The following DNAI3 variants were observed in gnomAD, a reference collection of about 807,000 sequenced individuals.
DNAI3 encodes WD repeat domain 63.
DNAI3 carries 83 observed loss-of-function variants against 115.5 expected under a neutral mutation model. That is an observed-to-expected ratio of 0.72 (90% CI 0.60 to 0.86). The LOEUF (loss-of-function observed/expected upper bound fraction) is 0.86, where lower values mean the gene tolerates loss of function less well. DNAI3 is among the 40% of genes least tolerant of loss of function. DNAI3 has a pLI of 0.00. For missense variants in DNAI3, 1,004 were observed against 1,075.8 expected, an observed-to-expected ratio of 0.93 and a Z score of 0.93; for synonymous variants, 320 against 347.0, an observed-to-expected ratio of 0.92 and a Z score of 0.86.
At chr1:85,074,937 T>G (rs1654405822) in intron 3 of DNAI3, among the ~76,000 whole-genome samples, 1 of 152,240 alleles carries the variant, frequency 6.6e-6, no homozygotes, top group Non-Finnish European at 1.5e-5. Context: ...ATGAGTTGTG[T>G]TCCCTCTTGC....
Position 85,108,143 on chromosome 1 carries a change from T to A in DNAI3, c.1664T>A (p.Leu555Ter), listed in dbSNP as rs371365942. The change falls in exon 15 of 23, where the codon TTG (leucine) becomes TAG (stop). Residue 555 changes from leucine to a stop codon, truncating the protein, a stop_gained. Transcript: ENST00000294664. LOFTEE classifies it high-confidence loss of function. ...CCTTTTGATGTACCATCTACTTTTT[T>A]GCATCTGGATCTCTCCTGGAAACCT... ...EIPFDVPSTF[L>*]HLDLSWKPLT... The A allele has an allele frequency of 1.4e-5, 23 of 1,604,986 alleles. No homozygotes were observed. In the African/African-American group the frequency reaches 3.0e-4, roughly 21 times the overall value.
intron 16 of DNAI3, among the ~76,000 whole-genome samples, chr1:85,111,441 A>G (rs1225157003): frequency 6.6e-6 from 1 of 152,160 alleles, no homozygotes; most frequent in Non-Finnish European, 1.5e-5. Context: ...TGGTTCAGGT[A>G]CGGTGCTACT....
intron 18 of DNAI3, among the ~76,000 whole-genome samples, chr1:85,123,591 T>C (rs1354577853): frequency 6.6e-6 from 1 of 152,216 alleles, no homozygotes; most frequent in African/African-American, 2.4e-5. Flanking sequence ...ACATGATGCA[T>C]CTCCACAGAA....
intron 3 of DNAI3, among the ~76,000 whole-genome samples, chr1:85,074,813 T>G (rs144394120): frequency 1.3e-5 from 2 of 152,228 alleles, no homozygotes; most frequent in East Asian, 3.8e-4. Flanking sequence ...TTTATGTGTA[T>G]TTCTGTTTAA....
intron 15 of DNAI3, among the ~76,000 whole-genome samples, chr1:85,109,534 T>C (rs910871862): frequency 1.3e-5 from 2 of 152,228 alleles, no homozygotes; most frequent in African/African-American, 2.4e-5. Context: ...CTGAGGGAGC[T>C]GTGAGGGAAA....
rs1481953733 is a variant in DNAI3 at position 85,094,563 on chromosome 1, G to A, written c.1173+8G>A. On this transcript the variant is annotated splice_region_variant and intron_variant, in intron 10 of 22. Transcript: ENST00000294664. Reference sequence around the variant, plus strand: ...GATCCTATACATCCTCAGGTAATTAGGGAGAGTTGCCTACATAGCCTAAAT... The same window carrying A: ...GATCCTATACATCCTCAGGTAATTAAGGAGAGTTGCCTACATAGCCTAAAT... 8.1e-6 allele frequency: 13 copies of A among 1,613,298 alleles called. No homozygotes were observed. Among genetic ancestry groups the A allele is most frequent in the Non-Finnish European group, 8.5e-6 (10 of 1,179,788 alleles).
In DNAI3 at chr1:85,132,855, A is replaced by G. The variant is rs763996340; in HGVS notation, c.2533A>G (p.Lys845Glu). 5 of 1,612,888 alleles carry G rather than the reference A, an allele frequency of 3.1e-6. No individual in the cohort carries two copies. The highest frequency in any genetic ancestry group is 4.2e-6 in the Non-Finnish European group (5 of 1,179,632). ...MELEMAKKKV[K>E]TYQKSKEQMQ... ...TGTCTTGTTTTTCTTCCCCCCCCAGAAAACATATCAGAAGTCAAAAGAACA... is the reference window on the plus strand; with the variant it reads ...TGTCTTGTTTTTCTTCCCCCCCCAGGAAACATATCAGAAGTCAAAAGAACA... Residue 845 changes from lysine to glutamate, a missense_variant and splice_region_variant, in exon 23 of 23, where the codon AAA becomes GAA. By Grantham distance (56) the Lys-to-Glu change is moderately conservative. Around this residue, in one of 3 missense-constraint regions of DNAI3, gnomAD observed 429 missense variants for 454.3 expected, o/e 0.94. Transcript: ENST00000294664.
intron 22 of DNAI3, among the ~76,000 whole-genome samples, chr1:85,131,753 C>T (rs553892973): frequency 1.5e-3 from 234 of 152,200 alleles, no homozygotes; most frequent in African/African-American, 5.4e-3. Flanking sequence ...CAATTATCCA[C>T]GATTATTATG....
intron 5 of DNAI3, among the ~76,000 whole-genome samples, chr1:85,084,257 T>C (rs1654723215): frequency 3.0e-5 from 2 of 65,986 alleles, no homozygotes; most frequent in African/African-American, 9.7e-5. Flanking sequence ...TGTGTATATA[T>C]ATATATATAT....
chr1:85,093,962 A>G (rs960501802), intron 9 of DNAI3: 7 of 517,412 alleles, frequency 1.4e-5, no homozygotes, highest in African/African-American at 1.3e-4. Context: ...TTGCTCTCCC[A>G]AGGCTAAATT....
intron 7 of DNAI3, among the ~76,000 whole-genome samples, chr1:85,089,623 T>C (rs1030766063): frequency 2.0e-5 from 3 of 151,812 alleles, no homozygotes; most frequent in African/African-American, 4.8e-5. Flanking sequence ...TTGTGCTTTG[T>C]AGGGTTTTTA....
intron 22 of DNAI3, among the ~76,000 whole-genome samples, chr1:85,130,667 T>TGATAGATAGATAGATA (rs71736981): frequency 2.0e-5 from 3 of 148,364 alleles, no homozygotes; most frequent in East Asian, 2.0e-4. Context: ...ATTAGATAGA[T>TGATAGATAGATAGATA]GATAGATAGA....
intron 1 of DNAI3, among the ~76,000 whole-genome samples, chr1:85,068,944 T>C (rs1654181397): frequency 6.6e-6 from 1 of 152,216 alleles, no homozygotes; most frequent in African/African-American, 2.4e-5. Context: ...GAAAGTGGTA[T>C]GTGTGAAATA....
rs113747684 is a variant in DNAI3 at position 85,065,837 on chromosome 1, C to A, written c.-15+3351C>A. Reference sequence around the variant, plus strand: ...ATTTAATTTATGTTACTTATGCCTTCATCTATAGTAGTTCACCTCCTGAAT... The same window carrying A: ...ATTTAATTTATGTTACTTATGCCTTAATCTATAGTAGTTCACCTCCTGAAT... On this transcript the variant is annotated intron_variant, in intron 1 of 22. Coordinates refer to ENST00000294664, the MANE Select transcript of DNAI3 (RefSeq NM_145172.5). 4.3e-3 allele frequency among the ~76,000 whole-genome samples: 648 copies of A among 152,296 alleles called. 7 individuals carry two copies. The highest frequency in any genetic ancestry group is 0.014 in the African/African-American group (586 of 41,554).
chr1:85,117,723 TGAA>T lies in DNAI3; in HGVS notation c.1787-5_1787-3del. On this transcript the variant is annotated splice_polypyrimidine_tract_variant and splice_region_variant and intron_variant, in intron 16 of 22. Coordinates refer to ENST00000294664, the MANE Select transcript of DNAI3 (RefSeq NM_145172.5). The stretch of plus-strand genomic sequence containing the variant: ...TGTACTTCTTCTACCCACACTCCTC[TGAA>T]AGACAAAATGTTAGCACAGAGCAAA... 1.2e-6 allele frequency: 2 copies of T among 1,612,866 alleles called. No individual in the cohort carries two copies. The highest frequency in any genetic ancestry group is 1.7e-6 in the Non-Finnish European group (2 of 1,179,110).
chr1:85,122,753 TATG>T (rs1656027773), intron 18 of DNAI3, among the ~76,000 whole-genome samples: 3 of 152,148 alleles, frequency 2.0e-5, no homozygotes, highest in African/African-American at 7.2e-5. Flanking sequence ...TAGCAATTAA[TATG>T]ATAAAATTCA....
chr1:85,113,888 G>C (rs961774900), intron 16 of DNAI3, among the ~76,000 whole-genome samples: 9 of 151,900 alleles, frequency 5.9e-5, no homozygotes, highest in Admixed American at 2.6e-4. Flanking sequence ...ACAGTGTACA[G>C]GTCTTTCACC....
chr1:85,125,063 G>A (rs1173972405), intron 19 of DNAI3, among the ~76,000 whole-genome samples: 5 of 152,080 alleles, frequency 3.3e-5, no homozygotes, highest in Admixed American at 6.6e-5. Flanking sequence ...GATTAGGAGA[G>A]GGGCTGGATC....
At chr1:85,129,873 A>C (rs954465718) in intron 21 of DNAI3, 117 bp from the exon 22 acceptor site, 1 of 1,107,454 alleles carries the variant, frequency 9.0e-7, no homozygotes, top group African/African-American at 1.6e-5. Flanking sequence ...TAGATTAGGG[A>C]GGTAGATTAG....
Sources: allele counts gnomAD v4.1 joint callset (sites outside exome capture counted in the v4.1 genomes callset), GRCh38; gene constraint gnomAD v4.1.1; regional missense constraint gnomAD v4.1.1; transcripts MANE v1.5; gene names NCBI Gene and HGNC (gene_info 2026-07-23, HGNC 2026-07-21).